Variants in NFKB1 observed in about 807,000 individuals in gnomAD.
NFKB1 encodes the protein nuclear factor NF-kappa-B p105 subunit.
Under a neutral mutation model 105.1 loss-of-function variants are expected in NFKB1, and 9 were observed. The observed-to-expected ratio is 0.09, with a 90% CI of 0.05 to 0.15. The LOEUF (loss-of-function observed/expected upper bound fraction) is 0.15. NFKB1 is among the 10% of genes least tolerant of loss of function. The pLI is 1.00. For missense variants in NFKB1, 830 were observed against 1,203.7 expected, an observed-to-expected ratio of 0.69 and a Z score of 4.59; for synonymous variants, 440 against 442.2, an observed-to-expected ratio of 1.00 and a Z score of 0.06.
intron 15 of NFKB1, 141 bp downstream of exon 15, chr4:102,597,802 T>C (rs1189607424): frequency 1.9e-6 from 2 of 1,027,638 alleles, no homozygotes; most frequent in Non-Finnish European, 2.7e-6. Context: ...AAATAATGTG[T>C]GAATAAGGTT....
At chr4:102,502,390 G>GCGCACACACACACACACACACACACA (rs1311577382) in intron 1 of NFKB1, among the ~76,000 whole-genome samples, 3 of 105,392 alleles carry the variant, frequency 2.8e-5, no homozygotes, top group African/African-American at 1.3e-4. Flanking sequence ...GCGCGCGCGC[G>GCGCACACACACACACACACACACACA]CACACACACA....
intron 5 of NFKB1, among the ~76,000 whole-genome samples, chr4:102,557,694 C>T (rs913822533): frequency 7.2e-5 from 11 of 152,158 alleles, no homozygotes; most frequent in Admixed American, 3.9e-4. Flanking sequence ...GGTGCCAAGA[C>T]TCATCAGTAC....
rs934070621 is a variant in NFKB1, at chr4:102,616,900, GC to G, written c.*307del. The G allele has an allele frequency of 4.1e-6, 1 of 244,316 alleles. No individual in the cohort carries two copies. Among genetic ancestry groups the G allele is most frequent in the Non-Finnish European group, 8.1e-6 (1 of 123,954 alleles). 15.1% of individuals were successfully genotyped at this position (244,316 alleles called of 1,614,324 possible). On this transcript the variant is annotated 3_prime_UTR_variant, in exon 24 of 24. Coordinates refer to ENST00000226574, the MANE Select transcript of NFKB1 (RefSeq NM_003998.4). ...ATCACAGCTGCTTTCTGTTGTCATT[GC>G]TGTTGTCCCTCTGCTACGTTCCTAT...
chr4:102,580,506 G>C (rs1403417582), intron 8 of NFKB1, 29 bp from the exon 9 acceptor site: 1 of 1,587,914 alleles, frequency 6.3e-7, no homozygotes, highest in Non-Finnish European at 8.6e-7. Flanking sequence ...GATTAATCAT[G>C]TTATTTGTTG....
At chr4:102,561,921 A>G (rs1723473579) in intron 5 of NFKB1, among the ~76,000 whole-genome samples, 1 of 152,164 alleles carries the variant, frequency 6.6e-6, no homozygotes, top group East Asian at 1.9e-4. Flanking sequence ...GTCCCTTCCA[A>G]TCACATTTCA....
At chr4:102,542,190 A>G (rs1056884783) in intron 5 of NFKB1, among the ~76,000 whole-genome samples, 10 of 152,166 alleles carry the variant, frequency 6.6e-5, no homozygotes, top group Non-Finnish European at 5.9e-5. Context: ...TGTCCCATGC[A>G]TAAAACCCTG....
chr4:102,603,542 C>T (rs1041364527), intron 16 of NFKB1, among the ~76,000 whole-genome samples: 1 of 152,148 alleles, frequency 6.6e-6, no homozygotes, highest in Admixed American at 6.5e-5. Flanking sequence ...TTTTCCCCTA[C>T]CTTACCACCA....
At chr4:102,585,451 C>A (rs1325773998) in intron 11 of NFKB1, among the ~76,000 whole-genome samples, 1 of 152,206 alleles carries the variant, frequency 6.6e-6, no homozygotes, top group African/African-American at 2.4e-5. Flanking sequence ...AGAGTTCAAG[C>A]AGCTGAGATG....
Position 102,515,724 on chromosome 4 carries a change from A to G in NFKB1, c.-7-9788A>G, listed in dbSNP as rs185435512. ...ATTGTTATACATTTTACTTCTTTATATGTTATAAACTCCAAAATATATTGT... is the reference window on the plus strand; with the variant it reads ...ATTGTTATACATTTTACTTCTTTATGTGTTATAAACTCCAAAATATATTGT... On this transcript the variant is annotated intron_variant, in intron 1 of 23. Transcript: ENST00000226574. Among the ~76,000 whole-genome samples, 338 of 152,224 alleles carry G rather than the reference A, an allele frequency of 2.2e-3. 5 individuals carry two copies. The highest frequency in any genetic ancestry group is 7.7e-4 in the East Asian group (4 of 5,190).
At chr4:102,549,475 T>G (rs1041330697) in intron 5 of NFKB1, among the ~76,000 whole-genome samples, 1 of 149,892 alleles carries the variant, frequency 6.7e-6, no homozygotes, top group South Asian at 2.1e-4. Flanking sequence ...ATATATTGAA[T>G]TTATATATAT....
chr4:102,579,699 T>C (rs1278532565), intron 8 of NFKB1, among the ~76,000 whole-genome samples: 1 of 150,092 alleles, frequency 6.7e-6, no homozygotes, highest in East Asian at 1.9e-4. Context: ...CCTAGGACTT[T>C]TTAAGAGTTT....
At chr4:102,525,467 T>A (rs1453334633) in intron 1 of NFKB1, 45 bp from the exon 2 acceptor site, 1 of 1,584,298 alleles carries the variant, frequency 6.3e-7, no homozygotes, top group Non-Finnish European at 8.6e-7. Flanking sequence ...TTTTTAAAGT[T>A]CATTCTAGTG....
intron 23 of NFKB1, 27 bp from the exon 24 acceptor site, chr4:102,616,407 C>T (rs1377010545): frequency 6.2e-7 from 1 of 1,611,314 alleles, no homozygotes; most frequent in South Asian, 1.1e-5. Context: ...GCCATTCCCC[C>T]AGTGAATTTG....
intron 6 of NFKB1, among the ~76,000 whole-genome samples, chr4:102,574,381 T>C (rs1338398400): frequency 6.6e-6 from 1 of 152,222 alleles, no homozygotes; most frequent in African/African-American, 2.4e-5. Context: ...TACAGTAATT[T>C]TTCTGCCTCC....
intron 10 of NFKB1, 70 bp downstream of exon 10, chr4:102,583,027 T>C: frequency 9.6e-7 from 1 of 1,038,152 alleles, no homozygotes; most frequent in Non-Finnish European, 1.5e-6. Context: ...ACACCCAGGC[T>C]GCAGTGCAGT....
intron 1 of NFKB1, among the ~76,000 whole-genome samples, chr4:102,502,362 CT>C (rs1286328292): frequency 7.0e-6 from 1 of 142,946 alleles, no homozygotes; most frequent in Non-Finnish European, 1.5e-5. Context: ...TCTCTCCCCC[CT>C]CCCCCCCTCC....
chr4:102,508,163 A>G (rs778262957), intron 1 of NFKB1, among the ~76,000 whole-genome samples: 1 of 152,186 alleles, frequency 6.6e-6, no homozygotes, highest in Non-Finnish European at 1.5e-5. Context: ...AGGCTTAAAC[A>G]TGTATTGGTG....
intron 19 of NFKB1, among the ~76,000 whole-genome samples, chr4:102,610,371 A>G (rs561550155): frequency 1.9e-4 from 29 of 152,372 alleles, no homozygotes; most frequent in Admixed American, 1.1e-3. Context: ...CAGGTGTCAT[A>G]AGACACTTTA....
At chr4:102,615,340 T>G (rs35857972) in intron 23 of NFKB1, among the ~76,000 whole-genome samples, 2 of 152,234 alleles carry the variant, frequency 1.3e-5, no homozygotes, top group East Asian at 1.9e-4. Context: ...TCTGCTCCCC[T>G]GGCTCACTAG....
Sources: gnomAD v4.1 joint callset for allele counts (sites outside exome capture counted in the v4.1 genomes callset) on GRCh38, gnomAD v4.1.1 for gene constraint, MANE v1.5 for transcripts, NCBI Gene and HGNC (gene_info 2026-07-23, HGNC 2026-07-21) for gene names.